The following WIF1 variants were observed in gnomAD, a reference collection of about 807,000 sequenced individuals.
WIF1 encodes Wnt inhibitory factor 1.
In WIF1, 35 loss-of-function variants were observed where a neutral mutation model predicts 53.5. The observed-to-expected ratio is 0.65, with a 90% CI of 0.50 to 0.87. WIF1 has a LOEUF of 0.87. WIF1 is among the 40% of genes least tolerant of loss of function. The pLI, the probability that WIF1 is intolerant of heterozygous loss-of-function variation, is 0.00. For missense variants in WIF1, 467 were observed against 476.8 expected (o/e 0.98, Z 0.19); for synonymous variants, 171 against 170.4 (o/e 1.00, Z -0.03).
At chr12:65,113,140 A>G (rs1156773396) in intron 2 of WIF1, among the ~76,000 whole-genome samples, 1 of 152,148 alleles carries the variant, frequency 6.6e-6, no homozygotes, top group Admixed American at 6.5e-5. Context: ...CCATCCACCA[A>G]GGTTCTATAG....
intron 8 of WIF1, 89 bp downstream of exon 8, chr12:65,055,942 A>T: frequency 8.6e-7 from 1 of 1,168,242 alleles, no homozygotes; most frequent in Non-Finnish European, 1.2e-6. Context: ...CCCAGGCAAC[A>T]TGCACTAAGC....
rs1194501760 is a variant in WIF1 at position 65,061,905 on chromosome 12, G to A, written c.826+576C>T. On this transcript the variant is annotated intron_variant, in intron 7 of 9. Transcript: ENST00000286574. ...AACTTCAAAAAGATGGGATCATGCAGTAGGTAACTTTTTGTGTCTGGTTAC... is the reference window on the plus strand; with the variant it reads ...AACTTCAAAAAGATGGGATCATGCAATAGGTAACTTTTTGTGTCTGGTTAC... Among the ~76,000 whole-genome samples the A allele has an allele frequency of 2.0e-5, 3 of 152,218 alleles. No individual in the cohort carries two copies. In the East Asian group the frequency reaches 5.8e-4, roughly 29 times the overall value.
At chr12:65,115,897 G>A (rs935019231) in intron 2 of WIF1, among the ~76,000 whole-genome samples, 2 of 152,128 alleles carry the variant, frequency 1.3e-5, no homozygotes, top group Non-Finnish European at 2.9e-5. Context: ...CCATAGTTAC[G>A]ATGACCCATG....
At chr12:65,082,784 G>A (rs1015575313) in intron 2 of WIF1, among the ~76,000 whole-genome samples, 21 of 152,258 alleles carry the variant, frequency 1.4e-4, no homozygotes, top group African/African-American at 5.1e-4. Context: ...GGAATGAAGA[G>A]AATCCAGTAT....
chr12:65,120,340 G>A, intron 2 of WIF1, 77 bp downstream of exon 2: 1 of 1,437,182 alleles, frequency 7.0e-7, no homozygotes, highest in East Asian at 2.3e-5. Flanking sequence ...AATGTACCAG[G>A]CTACACACTA....
chr12:65,107,673 G>GA (rs1325877364), intron 2 of WIF1, among the ~76,000 whole-genome samples: 2 of 152,116 alleles, frequency 1.3e-5, no homozygotes, highest in Non-Finnish European at 2.9e-5. Context: ...ACCTGGACTT[G>GA]GCTTCAGATG....
Position 65,087,105 on chromosome 12 carries a change from G to A in WIF1, c.289-9251C>T, listed in dbSNP as rs551039504. Among the ~76,000 whole-genome samples the A allele has an allele frequency of 5.9e-5, 9 of 152,258 alleles. No homozygotes were observed. In the South Asian group the frequency reaches 1.7e-3, roughly 28 times the overall value. ...GCAGAGGTTGCTGTGAGCCAAGATCGCACCACTGCACTTCAGCCTGGGTGA... is the reference window on the plus strand; with the variant it reads ...GCAGAGGTTGCTGTGAGCCAAGATCACACCACTGCACTTCAGCCTGGGTGA... On this transcript the variant is annotated intron_variant, in intron 2 of 9. Coordinates refer to ENST00000286574, the MANE Select transcript of WIF1 (RefSeq NM_007191.5).
At chr12:65,076,718 T>C (rs1318299976) in intron 3 of WIF1, among the ~76,000 whole-genome samples, 1 of 152,054 alleles carries the variant, frequency 6.6e-6, no homozygotes, top group Non-Finnish European at 1.5e-5. Flanking sequence ...TCCATTAGTT[T>C]AAAAAAATAT....
chr12:65,106,392 G>A (rs1288838806), intron 2 of WIF1, among the ~76,000 whole-genome samples: 4 of 146,344 alleles, frequency 2.7e-5, no homozygotes, highest in Non-Finnish European at 4.5e-5. Context: ...TATTTTTTTT[G>A]TTTTTGAGAT....
At chr12:65,094,951 T>TA (rs1883181247) in intron 2 of WIF1, among the ~76,000 whole-genome samples, 1 of 144,900 alleles carries the variant, frequency 6.9e-6, no homozygotes, top group Admixed American at 7.1e-5. Flanking sequence ...TTTATTTATT[T>TA]TGACAAGGTC....
At chr12:65,112,404 T>TCACTCACACA (rs1555188372) in intron 2 of WIF1, among the ~76,000 whole-genome samples, 10 of 123,448 alleles carry the variant, frequency 8.1e-5, no homozygotes, top group African/African-American at 2.9e-4. Context: ...CCTGCTCTAA[T>TCACTCACACA]CACACACACA....
intron 2 of WIF1, among the ~76,000 whole-genome samples, chr12:65,086,200 C>G (rs1052133368): frequency 2.0e-5 from 3 of 151,906 alleles, no homozygotes; most frequent in African/African-American, 4.8e-5. Context: ...AAATTTAGCC[C>G]TGTTCAGCAC....
chr12:65,105,778 G>A (rs569895694), intron 2 of WIF1, among the ~76,000 whole-genome samples: 19 of 152,176 alleles, frequency 1.2e-4, no homozygotes, highest in African/African-American at 4.6e-4. Flanking sequence ...ACCTCCCACT[G>A]GGCCCCACCT....
intron 2 of WIF1, among the ~76,000 whole-genome samples, chr12:65,118,877 GGA>G (rs113774958): frequency 6.6e-6 from 1 of 151,222 alleles, no homozygotes; most frequent in African/African-American, 2.4e-5. Flanking sequence ...AGGGAGAGGG[GGA>G]GAGAGAGAGA....
chr12:65,097,779 A>G (rs532303921), intron 2 of WIF1, among the ~76,000 whole-genome samples: 6 of 152,300 alleles, frequency 3.9e-5, no homozygotes, highest in African/African-American at 9.6e-5. Context: ...TGCCATTTTT[A>G]TAATTACCTT....
At chr12:65,055,952 C>A in intron 8 of WIF1, 79 bp downstream of exon 8, 1 of 1,312,088 alleles carries the variant, frequency 7.6e-7, no homozygotes. Flanking sequence ...ATGCACTAAG[C>A]ACGGAAGTAT....
At chr12:65,051,585 C>T (rs1882442849) in intron 9 of WIF1, 115 bp from the exon 10 acceptor site, 1 of 1,279,352 alleles carries the variant, frequency 7.8e-7, no homozygotes, top group Admixed American at 3.3e-5. Flanking sequence ...GAATGAAAAA[C>T]CGCAATGACC....
In WIF1 at chr12:65,084,578, T is replaced by C. The variant is rs558803522; in HGVS notation, c.289-6724A>G. Among the ~76,000 whole-genome samples the C allele has an allele frequency of 3.3e-4, 50 of 152,354 alleles. 1 individual carries two copies. Among genetic ancestry groups the C allele is most frequent in the Non-Finnish European group, 6.0e-4 (41 of 68,042 alleles). On this transcript the variant is annotated intron_variant, in intron 2 of 9. Coordinates refer to ENST00000286574, the MANE Select transcript of WIF1 (RefSeq NM_007191.5). ...TAACTTTTCATATGTTTATATCTTG[T>C]ATTCTCATCTAAATGTTGGATTCCT...
chr12:65,079,339 T>C (rs1343291471), intron 2 of WIF1, among the ~76,000 whole-genome samples: 7 of 152,060 alleles, frequency 4.6e-5, no homozygotes, highest in Admixed American at 1.3e-4. Flanking sequence ...AATAGCCTTA[T>C]GTCTGTTAAG....
Sources: gnomAD v4.1 joint callset for allele counts (sites outside exome capture counted in the v4.1 genomes callset) on GRCh38, gnomAD v4.1.1 for gene constraint, MANE v1.5 for transcripts, NCBI Gene and HGNC (gene_info 2026-07-23, HGNC 2026-07-21) for gene names.